Variants in FAM107B observed in about 807,000 individuals in gnomAD.
The protein encoded by FAM107B is protein FAM107B.
Under a neutral mutation model 31.5 loss-of-function variants are expected in FAM107B, and 21 were observed. The observed-to-expected ratio is 0.67, with a 90% confidence interval of 0.47 to 0.96. The LOEUF (loss-of-function observed/expected upper bound fraction) is 0.96. Ranked by LOEUF, FAM107B falls within the 40% of genes least tolerant of loss-of-function variation. The pLI is 0.00. For synonymous variants in FAM107B, 157 were observed against 141.5 expected (o/e 1.11, Z -0.78); for missense variants, 452 against 377.1 (o/e 1.20, Z -1.64).
At chr10:14,648,853 G>A (rs1853831552) in intron 2 of FAM107B, among the ~76,000 whole-genome samples, 1 of 152,206 alleles carries the variant, frequency 6.6e-6, no homozygotes, top group Non-Finnish European at 1.5e-5. Context: ...GGTTCTATGT[G>A]CACTGCATGG....
At chr10:14,523,376 A>G (rs1312595889) in intron 3 of FAM107B, among the ~76,000 whole-genome samples, 1 of 152,264 alleles carries the variant, frequency 6.6e-6, no homozygotes, top group East Asian at 1.9e-4. Context: ...CAGGCAGCAC[A>G]GGGTGTAGGT....
At chr10:14,752,548 G>A (rs10796219) in intron 1 of FAM107B, among the ~76,000 whole-genome samples, 30,961 of 152,080 alleles carry the variant, frequency 0.2, 4,288 homozygotes, top group African/African-American at 0.39. Flanking sequence ...TGATGTAAGT[G>A]AACCACGCTG....
intron 1 of FAM107B, among the ~76,000 whole-genome samples, chr10:14,701,732 A>T (rs1367153382): frequency 6.6e-6 from 1 of 151,916 alleles, no homozygotes; most frequent in Non-Finnish European, 1.5e-5. Context: ...TTTTTCCAAC[A>T]AAAAGCATGG....
chr10:14,555,838 CA>C (rs1245041640), intron 2 of FAM107B: 2 of 152,230 alleles, frequency 1.3e-5, no homozygotes, highest in African/African-American at 2.4e-5. Flanking sequence ...CTGGCCTAGG[CA>C]ATCAGAGGTC....
intron 2 of FAM107B, among the ~76,000 whole-genome samples, chr10:14,648,362 A>C (rs1853815141): frequency 6.6e-6 from 1 of 152,240 alleles, no homozygotes; most frequent in Admixed American, 6.5e-5. Flanking sequence ...AAAAGCCCGG[A>C]GAAGTACTGA....
rs543908615 is a variant in FAM107B at position 14,619,244 on chromosome 10, G to A, written c.469+48390C>T. ...CAACCCTAGGAAAATAAGGCAGTAC[G>A]GTCAGTCGGTGTACATTTCACTTAA... On this transcript the variant is annotated intron_variant, in intron 2 of 4. Coordinates refer to ENST00000181796, the MANE Select transcript of FAM107B (RefSeq NM_031453.4). Among the ~76,000 whole-genome samples, 10 of 152,226 alleles carry A rather than the reference G, an allele frequency of 6.6e-5. 1 individual carries two copies. The highest frequency in any genetic ancestry group is 4.6e-4 in the Admixed American group (7 of 15,292).
chr10:14,568,378 A>T (rs1850864013), intron 2 of FAM107B, among the ~76,000 whole-genome samples: 1 of 151,932 alleles, frequency 6.6e-6, no homozygotes, highest in African/African-American at 2.4e-5. Context: ...TTAGACCAGG[A>T]GGTGAAGATA....
intron 2 of FAM107B, among the ~76,000 whole-genome samples, chr10:14,546,118 G>A (rs1331525721): frequency 6.6e-6 from 1 of 152,210 alleles, no homozygotes; most frequent in African/African-American, 2.4e-5. Flanking sequence ...CTTAATGACA[G>A]AAACTTTAGA....
intron 1 of FAM107B, among the ~76,000 whole-genome samples, chr10:14,751,059 T>G (rs946229498): frequency 1.6e-4 from 25 of 152,190 alleles, no homozygotes; most frequent in African/African-American, 5.5e-4. Flanking sequence ...GGGAGGGGCC[T>G]GGCCCCATGT....
Position 14,767,032 on chromosome 10 carries a change from A to G in FAM107B, c.411+7221T>C, listed in dbSNP as rs1309138282. 9.2e-4 allele frequency among the ~76,000 whole-genome samples: 24 copies of G among 26,212 alleles called. 2 individuals are homozygous for G. The highest frequency in any genetic ancestry group is 2.3e-3 in the African/African-American group (24 of 10,414). The allele number at this position is 26,212 out of a possible 152,430, so 17.2% of individuals were successfully genotyped here. A position where few individuals can be genotyped will look rare whatever the true frequency, so the allele number is the denominator to read the frequency against. ...ATATCCCTGATGTGTATGTATATATATATATATATATATATATATATATAG... is the reference window on the plus strand; with the variant it reads ...ATATCCCTGATGTGTATGTATATATGTATATATATATATATATATATATAG... On this transcript the variant is annotated intron_variant, in intron 1 of 4. Transcript: ENST00000181796.
intron 1 of FAM107B, among the ~76,000 whole-genome samples, chr10:14,670,233 T>G (rs1406024303): frequency 6.6e-6 from 1 of 152,238 alleles, no homozygotes; most frequent in Non-Finnish European, 1.5e-5. Context: ...AGACCATTTC[T>G]AAAAATGTGT....
intron 1 of FAM107B, among the ~76,000 whole-genome samples, chr10:14,734,531 T>C (rs1262296383): frequency 6.7e-6 from 1 of 150,056 alleles, no homozygotes; most frequent in Non-Finnish European, 1.5e-5. Context: ...TTAGTGTTAG[T>C]GTATTTTATG....
rs1440198384 is a variant in FAM107B at position 14,530,522 on chromosome 10, G to C, written c.470-7C>G. 1 of 1,610,272 alleles carries C rather than the reference G, an allele frequency of 6.2e-7. No individual in the cohort carries two copies. The highest frequency in any genetic ancestry group is 8.5e-7 in the Non-Finnish European group (1 of 1,179,318). ...ATATCCTCAGGTGGGCTGTCTGAAA[G>C]AGAAAGATGAGAAACACTCATTTGC... On this transcript the variant is annotated splice_region_variant and splice_polypyrimidine_tract_variant and intron_variant, in intron 2 of 4. Coordinates refer to ENST00000181796, the MANE Select transcript of FAM107B (RefSeq NM_031453.4).
chr10:14,541,883 G>A (rs1848240034), intron 2 of FAM107B, among the ~76,000 whole-genome samples: 1 of 152,098 alleles, frequency 6.6e-6, no homozygotes, highest in Non-Finnish European at 1.5e-5. Flanking sequence ...ACCTCCAGAG[G>A]CCAGCAAACC....
chr10:14,526,421 C>G (rs1270254827), intron 3 of FAM107B, among the ~76,000 whole-genome samples: 2 of 152,216 alleles, frequency 1.3e-5, no homozygotes, highest in South Asian at 4.1e-4. Flanking sequence ...GGTGATCTGC[C>G]TGCCTCGGCC....
chr10:14,629,506 A>T (rs1384825419), intron 2 of FAM107B, among the ~76,000 whole-genome samples: 3 of 116,318 alleles, frequency 2.6e-5, no homozygotes, highest in South Asian at 2.3e-4. Flanking sequence ...ATATATATTT[A>T]ATATATATAT....
chr10:14,753,287 T>A (rs527773893), intron 1 of FAM107B, among the ~76,000 whole-genome samples: 10 of 152,288 alleles, frequency 6.6e-5, no homozygotes, highest in Non-Finnish European at 4.4e-5. Flanking sequence ...TGATCACCCT[T>A]TTCCCAACAA....
At chr10:14,611,517 T>C (rs1441414894) in intron 2 of FAM107B, among the ~76,000 whole-genome samples, 7 of 116,604 alleles carry the variant, frequency 6.0e-5, no homozygotes, top group Non-Finnish European at 1.2e-4. Flanking sequence ...TATATATATA[T>C]ATATATATAT....
At chr10:14,603,026 CACACAA>C (rs1852453580) in intron 2 of FAM107B, among the ~76,000 whole-genome samples, 1 of 151,758 alleles carries the variant, frequency 6.6e-6, no homozygotes, top group African/African-American at 2.4e-5. Context: ...CACACACACA[CACACAA>C]ACACACTATG....
Sources: allele counts gnomAD v4.1 joint callset (sites outside exome capture counted in the v4.1 genomes callset), GRCh38; gene constraint gnomAD v4.1.1; transcripts MANE v1.5; gene names NCBI Gene and HGNC (gene_info 2026-07-23, HGNC 2026-07-21).